The following MYO18B variants were observed in gnomAD, a reference collection of about 807,000 sequenced individuals.
MYO18B encodes myosin XVIIIB.
In MYO18B, 204 loss-of-function variants were observed where a neutral mutation model predicts 273.0. The observed-to-expected ratio is 0.75, with a 90% CI of 0.67 to 0.84. MYO18B has a LOEUF of 0.84. MYO18B is among the 40% of genes least tolerant of loss of function. The pLI, the probability that MYO18B is intolerant of heterozygous loss-of-function variation, is 0.00. For synonymous variants in MYO18B, 1,330 were observed against 1,305.7 expected, an observed-to-expected ratio of 1.02 and a Z score of -0.40; for missense variants, 3,212 against 3,287.6, an observed-to-expected ratio of 0.98 and a Z score of 0.56.
chr22:25,832,296 T>A (rs1348086324), intron 15 of MYO18B, among the ~76,000 whole-genome samples: 1 of 152,162 alleles, frequency 6.6e-6, no homozygotes, highest in Non-Finnish European at 1.5e-5. Flanking sequence ...CAAACGGGTA[T>A]TTGTGCACCA....
chr22:25,993,832 G>A (rs1932943754), intron 40 of MYO18B, among the ~76,000 whole-genome samples: 1 of 152,014 alleles, frequency 6.6e-6, no homozygotes, highest in Non-Finnish European at 1.5e-5. Context: ...AGCTGACTAT[G>A]AATAGTCAAG....
intron 7 of MYO18B, among the ~76,000 whole-genome samples, chr22:25,773,541 G>T (rs984147683): frequency 6.6e-6 from 1 of 152,150 alleles, no homozygotes; most frequent in Non-Finnish European, 1.5e-5. Flanking sequence ...TCGGCTCACT[G>T]CAAGCGCCGC....
intron 34 of MYO18B, among the ~76,000 whole-genome samples, chr22:25,944,588 G>GC (rs1399096334): frequency 1.3e-5 from 2 of 152,122 alleles, no homozygotes; most frequent in Non-Finnish European, 2.9e-5. Context: ...GGTGGCTCAC[G>GC]CCTGTAATCC....
intron 31 of MYO18B, among the ~76,000 whole-genome samples, chr22:25,906,762 A>G (rs770258635): frequency 3.3e-5 from 5 of 152,282 alleles, no homozygotes; most frequent in African/African-American, 1.2e-4. Context: ...GGAAGCAGGC[A>G]AGTCTTACAT....
At chr22:25,941,104 A>G (rs1601631055) in intron 34 of MYO18B, among the ~76,000 whole-genome samples, 2 of 152,350 alleles carry the variant, frequency 1.3e-5, no homozygotes, top group East Asian at 1.9e-4. Context: ...TATTGATTTT[A>G]CAAAAAGTAA....
rs774965748 is a variant in MYO18B at position 25,768,294 on chromosome 22, G to C, written c.378G>C (p.Glu126Asp). 10 of 1,613,820 alleles carry C rather than the reference G, an allele frequency of 6.2e-6. No individual in the cohort carries two copies. In the Admixed American group the frequency reaches 6.7e-5, roughly 11 times the overall value. The change falls in exon 4 of 44, where the codon GAG becomes GAC. Residue 126 changes from glutamate to aspartate, a missense_variant. Coordinates refer to ENST00000335473, the MANE Select transcript of MYO18B (RefSeq NM_032608.7). ...AGCAGATGACAAGCATCAATGGTGA[G>C]AAGGCCCAGGAGCTGGGCTCCAGTG... ...DPEQMTSINGEKAQELGSSAT... is the reference protein window; with the variant it reads ...DPEQMTSINGDKAQELGSSAT...
Position 25,874,225 on chromosome 22 carries a change from C to G in MYO18B, c.3952-61C>G, listed in dbSNP as rs545786598. 1.4e-3 allele frequency: 2,178 copies of G among 1,595,704 alleles called. 3 individuals carry two copies. The highest frequency in any genetic ancestry group is 1.7e-3 in the Non-Finnish European group (1,988 of 1,167,134). On this transcript the variant is annotated intron_variant, in intron 22 of 43. Coordinates refer to ENST00000335473, the MANE Select transcript of MYO18B (RefSeq NM_032608.7). The stretch of plus-strand genomic sequence containing the variant: ...GAAGTGGGGTCTGATTTGCAAGCAC[C>G]CCCCCATTGTAGACAGCCTTCTTCA...
In MYO18B at chr22:25,846,296, C is replaced by T; in HGVS notation, c.3552+13C>T. 1 of 1,609,770 alleles carries T rather than the reference C, an allele frequency of 6.2e-7. No individual in the cohort carries two copies. The highest frequency in any genetic ancestry group is 8.5e-7 in the Non-Finnish European group (1 of 1,179,590). ...CAAGCTGCAGATGGTGAGTGGGCAC[C>T]CTGTCTCATGGTGTCCTGGCCTTCA... On this transcript the variant is annotated intron_variant, in intron 19 of 43. Transcript: ENST00000335473.
At chr22:25,797,804 C>T in intron 11 of MYO18B, 149 bp from the exon 12 acceptor site, 1 of 1,099,770 alleles carries the variant, frequency 9.1e-7, no homozygotes. Flanking sequence ...GTTTGTCTGT[C>T]AGTACTCCTC....
At chr22:25,945,667 C>T (rs2092695023) in intron 34 of MYO18B, among the ~76,000 whole-genome samples, 1 of 150,408 alleles carries the variant, frequency 6.6e-6, no homozygotes, top group South Asian at 2.1e-4. Flanking sequence ...AGGAGGCAGC[C>T]TCATGAGGAG....
intron 37 of MYO18B, 120 bp from the exon 38 acceptor site, chr22:25,952,166 T>G: frequency 1.8e-6 from 2 of 1,132,734 alleles, no homozygotes; most frequent in South Asian, 1.5e-5. Context: ...GCAGCACACC[T>G]GAGTAGAGAA....
At chr22:25,792,497 C>CTTTTTTTTTTTTTTTTTTTTTTTTTTTT (rs58679561) in intron 11 of MYO18B, among the ~76,000 whole-genome samples, 1 of 107,956 alleles carries the variant, frequency 9.3e-6, no homozygotes, top group Admixed American at 1.2e-4. Context: ...TTTTTCTTTT[C>CTTTTTTTTTTTTTTTTTTTTTTTTTTTT]TTTTTTTTTT....
intron 40 of MYO18B, among the ~76,000 whole-genome samples, chr22:25,997,978 C>CACACACACACGAGAGAGAGA (rs34431605): frequency 1.4e-5 from 2 of 144,550 alleles, no homozygotes; most frequent in African/African-American, 2.6e-5. Context: ...CACACACACA[C>CACACACACACGAGAGAGAGA]GAGAGAGAGA....
At chr22:25,863,032 A>G (rs951941402) in intron 21 of MYO18B, among the ~76,000 whole-genome samples, 2 of 151,740 alleles carry the variant, frequency 1.3e-5, no homozygotes, top group Non-Finnish European at 2.9e-5. Context: ...TTCAAATTGG[A>G]TAGTTTCTAT....
Position 25,868,438 on chromosome 22 carries a change from G to C in MYO18B, c.3951+53G>C. On this transcript the variant is annotated intron_variant, in intron 22 of 43. Transcript: ENST00000335473. ...TCGCCCATCACATCAGGGACCCAGAGATGACCTGATTCTTGTCCTACCTCA... is the reference window on the plus strand; with the variant it reads ...TCGCCCATCACATCAGGGACCCAGACATGACCTGATTCTTGTCCTACCTCA... The C allele has an allele frequency of 2.8e-6, 4 of 1,443,772 alleles. 1 individual carries two copies. In the South Asian group the frequency reaches 3.7e-5, roughly 13 times the overall value. 89.4% of individuals were successfully genotyped at this position (1,443,772 alleles called of 1,614,324 possible).
chr22:25,851,496 C>G lies in MYO18B; in HGVS notation c.3802C>G (p.Arg1268Gly), dbSNP rs370006917. Reference sequence around the variant, plus strand: ...CTATGCTGACCACATGGGGCTCACTCGCTTCCGCCGGCAATTCCAGGTGCT... The same window carrying G: ...CTATGCTGACCACATGGGGCTCACTGGCTTCCGCCGGCAATTCCAGGTGCT... Reference protein sequence around the residue: ...TGYADHMGLTRFRRQFQVLDA... With the variant: ...TGYADHMGLTGFRRQFQVLDA... The change falls in exon 21 of 44, where the codon CGC (arginine) becomes GGC (glycine). Residue 1268 changes from arginine to glycine, a missense_variant. Physicochemically the swap from Arg to Gly is moderately radical, Grantham distance 125. Coordinates refer to ENST00000335473, the MANE Select transcript of MYO18B (RefSeq NM_032608.7). The G allele has an allele frequency of 9.0e-6, 14 of 1,558,102 alleles. No homozygotes were observed. The East Asian group carries it at 3.1e-4, about 35-fold the overall frequency.
intron 12 of MYO18B, among the ~76,000 whole-genome samples, chr22:25,819,241 C>A (rs1033472260): frequency 2.0e-5 from 3 of 152,226 alleles, no homozygotes; most frequent in Non-Finnish European, 4.4e-5. Context: ...AAATATCCCC[C>A]CTAGGTCAGG....
At chr22:25,786,954 C>T (rs1049264741) in intron 11 of MYO18B, among the ~76,000 whole-genome samples, 2 of 152,198 alleles carry the variant, frequency 1.3e-5, no homozygotes, top group African/African-American at 4.8e-5. Context: ...TGGCTCACGC[C>T]TGTAATCCCA....
At chr22:26,035,731 C>T (rs1936765878), downstream of MYO18B, among the ~76,000 whole-genome samples, 1 of 152,178 alleles carries the variant, frequency 6.6e-6, no homozygotes, top group African/African-American at 2.4e-5. Context: ...CAAACCTCTC[C>T]CTCCTCAACC....
Sources: gnomAD v4.1 joint callset for allele counts (sites outside exome capture counted in the v4.1 genomes callset) on GRCh38, gnomAD v4.1.1 for gene constraint, MANE v1.5 for transcripts, NCBI Gene and HGNC (gene_info 2026-07-23, HGNC 2026-07-21) for gene names.